Variants in CES5A observed in about 807,000 individuals in gnomAD.
CES5A encodes the protein carboxylesterase 5A.
A neutral mutation model predicts 62.9 loss-of-function variants in CES5A; 67 were observed. That is an observed-to-expected ratio of 1.07 (90% CI 0.88 to 1.31). The LOEUF is 1.31. Ranked by LOEUF, CES5A falls within the 50% of genes most tolerant of loss-of-function variation. The pLI, the probability that CES5A is intolerant of heterozygous loss-of-function variation, is 0.00. For missense variants in CES5A, 748 were observed against 708.5 expected (o/e 1.06, Z -0.63); for synonymous variants, 296 against 280.8 (o/e 1.05, Z -0.54).
chr16:55,848,737 T>C (rs1227514741), intron 11 of CES5A, among the ~76,000 whole-genome samples: 1 of 152,240 alleles, frequency 6.6e-6, no homozygotes, highest in African/African-American at 2.4e-5. Flanking sequence ...TTGATACATA[T>C]GTTGTTGACT....
chr16:55,874,691 C>T, intron 1 of CES5A, among the ~76,000 whole-genome samples: 1 of 152,160 alleles, frequency 6.6e-6, no homozygotes, highest in Non-Finnish European at 1.5e-5. Flanking sequence ...AAAGATGGCA[C>T]TTTGGGAGAC....
rs141273649 is a variant in CES5A, at chr16:55,955,945, C to T, written c.-60G>A. On this transcript the variant is annotated 5_prime_UTR_variant, in exon 1 of 14. Coordinates refer to the CES5A transcript ENST00000521992. ...CATCCCAGCTGGCCTTGACACAGAG[C>T]CCCAGTCCTCTTGCACATCATGTAC... The T allele has an allele frequency of 1.1e-3, 1,605 of 1,499,738 alleles. 1 individual carries two copies. The highest frequency in any genetic ancestry group is 1.4e-3 in the Non-Finnish European group (1,521 of 1,114,056). The allele number at this position is 1,499,738 out of a possible 1,614,324, so 92.9% of individuals were successfully genotyped here. A position where few individuals can be genotyped will look rare whatever the true frequency, so the allele number is the denominator to read the frequency against.
chr16:55,895,654 T>C (rs1386048323), intron 1 of CES5A, among the ~76,000 whole-genome samples: 6 of 152,228 alleles, frequency 3.9e-5, no homozygotes, highest in Non-Finnish European at 8.8e-5. Context: ...AGCTCATAGC[T>C]GGACTTTGGA....
At chr16:55,863,790 C>T (rs1475645023) in intron 5 of CES5A, among the ~76,000 whole-genome samples, 3 of 148,672 alleles carry the variant, frequency 2.0e-5, no homozygotes, top group African/African-American at 7.5e-5. Flanking sequence ...TGGAGTCTCG[C>T]TCTGTGGCCA....
chr16:55,855,257 A>T (rs2033217375), intron 9 of CES5A, among the ~76,000 whole-genome samples: 1 of 152,274 alleles, frequency 6.6e-6, no homozygotes, highest in Non-Finnish European at 1.5e-5. Context: ...ACAAGTGAAC[A>T]AAATGAACAT....
intron 1 of CES5A, among the ~76,000 whole-genome samples, chr16:55,885,227 C>T (rs1454623408): frequency 2.6e-5 from 4 of 152,106 alleles, no homozygotes; most frequent in Non-Finnish European, 2.9e-5. Flanking sequence ...TTTCAGTTCA[C>T]CACCAGCAAA....
At chr16:55,876,761 G>C (rs17265788), upstream of CES5A, among the ~76,000 whole-genome samples, 29,689 of 152,152 alleles carry the variant, frequency 0.2, 3,017 homozygotes, top group Non-Finnish European at 0.22. Flanking sequence ...TCAGGGGGTG[G>C]TCCTATTTCC....
intron 1 of CES5A, among the ~76,000 whole-genome samples, chr16:55,901,282 A>G (rs751817075): frequency 1.3e-5 from 2 of 150,504 alleles, no homozygotes; most frequent in Non-Finnish European, 3.0e-5. Context: ...CTCCCCAGCC[A>G]TGCAGAACTG....
chr16:55,909,956 G>A (rs533316012), intron 1 of CES5A, among the ~76,000 whole-genome samples: 80 of 152,288 alleles, frequency 5.3e-4, no homozygotes, highest in African/African-American at 1.8e-3. Context: ...GCCTGCATGA[G>A]TGCCCAGCCT....
intron 1 of CES5A, among the ~76,000 whole-genome samples, chr16:55,883,227 T>C (rs1435466455): frequency 6.6e-6 from 1 of 152,166 alleles, no homozygotes; most frequent in Non-Finnish European, 1.5e-5. Context: ...TCGAATGGAA[T>C]TGTGAAAGGC....
At chr16:55,905,761 A>G (rs1419118800) in intron 1 of CES5A, among the ~76,000 whole-genome samples, 2 of 152,206 alleles carry the variant, frequency 1.3e-5, no homozygotes, top group Non-Finnish European at 2.9e-5. Context: ...TGCAAAGCAC[A>G]CAGATAAAGT....
At chr16:55,858,688 C>A in intron 8 of CES5A, among the ~76,000 whole-genome samples, 1 of 152,164 alleles carries the variant, frequency 6.6e-6, no homozygotes, top group East Asian at 1.9e-4. Flanking sequence ...ATTTCTTAAC[C>A]CTATTTCCTC....
intron 4 of CES5A, among the ~76,000 whole-genome samples, chr16:55,867,708 T>G (rs1327626441): frequency 4.6e-5 from 7 of 152,202 alleles, no homozygotes; most frequent in African/African-American, 1.7e-4. Context: ...GAGCACAGGA[T>G]TCACAGCCTG....
At chr16:55,930,728 G>C (rs2034301979) in intron 2 of CES5A, among the ~76,000 whole-genome samples, 1 of 152,166 alleles carries the variant, frequency 6.6e-6, no homozygotes, top group African/African-American at 2.4e-5. Flanking sequence ...TTGTTTGTGT[G>C]ATTTTTTAAA....
intron 1 of CES5A, among the ~76,000 whole-genome samples, chr16:55,908,826 C>T (rs528755994): frequency 1.1e-4 from 16 of 152,302 alleles, no homozygotes; most frequent in African/African-American, 3.8e-4. Context: ...TTGGGTGCCC[C>T]GTGGAGGCCT....
intron 9 of CES5A, among the ~76,000 whole-genome samples, chr16:55,854,527 G>GTTTCTTTCTGTTTTCTTTCTTTTTTTTC (rs56360324): frequency 1.0e-4 from 12 of 116,698 alleles, no homozygotes; most frequent in Non-Finnish European, 1.5e-4. Flanking sequence ...TGCCTGTAGT[G>GTTTCTTTCTGTTTTCTTTCTTTTTTTTC]TTTCTTTTTT....
chr16:55,867,922 A>G (rs1567331564), intron 4 of CES5A, among the ~76,000 whole-genome samples: 1 of 152,176 alleles, frequency 6.6e-6, no homozygotes, highest in Non-Finnish European at 1.5e-5. Flanking sequence ...CATGGCCTGC[A>G]TCAAGACAGT....
upstream of CES5A, among the ~76,000 whole-genome samples, chr16:55,925,629 A>G (rs1395186748): frequency 6.6e-6 from 1 of 152,166 alleles, no homozygotes; most frequent in Non-Finnish European, 1.5e-5. Flanking sequence ...TCAACAGTGG[A>G]TAAATGGATA....
intron 1 of CES5A, among the ~76,000 whole-genome samples, chr16:55,895,243 T>A (rs1419536144): frequency 6.6e-6 from 1 of 152,226 alleles, no homozygotes. Flanking sequence ...CTCTGTCAAA[T>A]TACTACGTGA....
Sources: allele counts gnomAD v4.1 joint callset (sites outside exome capture counted in the v4.1 genomes callset), GRCh38; gene constraint gnomAD v4.1.1; transcripts MANE v1.5; gene names NCBI Gene and HGNC (gene_info 2026-07-23, HGNC 2026-07-21).